SLC23A1: variants seen among roughly 807,000 people sequenced by gnomAD.
SLC23A1 encodes the protein Na(+)/L-ascorbic acid transporter 1.
Under a neutral mutation model 62.5 loss-of-function variants are expected in SLC23A1, and 31 were observed. That is an observed-to-expected ratio of 0.50 (90% CI 0.37 to 0.67). The LOEUF (loss-of-function observed/expected upper bound fraction) is 0.67. Among genes scored for constraint, SLC23A1 ranks in the 30% least tolerant of loss-of-function variants. SLC23A1 has a pLI of 0.00. For synonymous variants in SLC23A1, 271 were observed against 313.2 expected, an observed-to-expected ratio of 0.87 and a Z score of 1.42; for missense variants, 640 against 782.7, an observed-to-expected ratio of 0.82 and a Z score of 2.18.
At chr5:139,368,352 CTAAA>C (rs1433507159) in intron 14 of SLC23A1, among the ~76,000 whole-genome samples, 3 of 150,402 alleles carry the variant, frequency 2.0e-5, no homozygotes, top group African/African-American at 4.9e-5. Context: ...AAAAAAAAAA[CTAAA>C]TAAATAAATA....
In SLC23A1 at chr5:139,381,807, T is replaced by C. The variant is rs1758276428; in HGVS notation, c.308+85A>G. ...GAAAGCGGCTTTTTTGTCTCACCAG[T>C]GTCCTCTGGGAGCCCACCTGCTCCT... On this transcript the variant is annotated intron_variant, in intron 3 of 14. Coordinates refer to ENST00000348729, the MANE Select transcript of SLC23A1 (RefSeq NM_005847.5). 5 of 1,137,826 alleles carry C rather than the reference T, an allele frequency of 4.4e-6. No homozygotes were observed. The African/African-American group carries it at 4.6e-5, about 11-fold the overall frequency. 70.5% of individuals were successfully genotyped at this position (1,137,826 alleles called of 1,614,324 possible). A position where few individuals can be genotyped will look rare whatever the true frequency, so the allele number is the denominator to read the frequency against.
intron 13 of SLC23A1, among the ~76,000 whole-genome samples, chr5:139,376,964 A>G (rs1343477735): frequency 6.6e-6 from 1 of 152,104 alleles, no homozygotes; most frequent in Non-Finnish European, 1.5e-5. Context: ...TCTACCAAAA[A>G]TATGAAAATT....
chr5:139,379,664 G>T lies in SLC23A1; in HGVS notation c.925+14C>A. 6.2e-7 allele frequency: 1 copy of T among 1,602,622 alleles called. No individual in the cohort carries two copies. ...CTCAGTTGGGGGCAGAGGGGCCCAA[G>T]GGGTGTTGCTCACAGGGGTAGGGGA... is the stretch of plus-strand genomic sequence containing the variant. On this transcript the variant is annotated intron_variant, in intron 8 of 14. Coordinates refer to ENST00000348729, the MANE Select transcript of SLC23A1 (RefSeq NM_005847.5). This position sits in a 1 kb window ranked among gnomAD's most constrained non-coding sequence, Gnocchi z 4.7.
At chr5:139,371,936 A>G (rs565176174) in intron 14 of SLC23A1, 51 bp downstream of exon 14, 13 of 1,428,990 alleles carry the variant, frequency 9.1e-6, no homozygotes, top group Admixed American at 1.9e-5. Context: ...TTAAAGCATA[A>G]GAATGTTTTG....
At position 139,379,897 on chromosome 5, in the gene SLC23A1, C is replaced by G; in HGVS notation, c.768+59G>C. 6.2e-7 allele frequency: 1 copy of G among 1,613,790 alleles called. No homozygotes were observed. Among genetic ancestry groups the G allele is most frequent in the East Asian group, 2.2e-5 (1 of 44,878 alleles). On this transcript the variant is annotated intron_variant, in intron 7 of 14. Transcript: ENST00000348729. The surrounding 1 kb of genome is among the most constrained non-coding windows in gnomAD (Gnocchi z 4.7). ...AGGTCTCTGTCCAGGCTAACCTGCT[C>G]CCACCTCAGCCCAAGCCCTGGCCAT...
chr5:139,379,182 A>T lies in SLC23A1; in HGVS notation c.1073+25T>A, dbSNP rs1243025100. 1 of 1,613,078 alleles carries T rather than the reference A, an allele frequency of 6.2e-7. No individual in the cohort carries two copies. On this transcript the variant is annotated intron_variant, in intron 9 of 14. Transcript: ENST00000348729. This position sits in a 1 kb window ranked among gnomAD's most constrained non-coding sequence, Gnocchi z 4.7. The stretch of plus-strand genomic sequence containing the variant: ...CCTGGGTGGCGCCTGAGGAGATCAG[A>T]TACTGAGGAGGGCAGGTAGGCTACC...
At chr5:139,382,235 T>C (rs1420738036) in intron 2 of SLC23A1, 186 bp from the exon 3 acceptor site, 5 of 623,702 alleles carry the variant, frequency 8.0e-6, no homozygotes, top group Non-Finnish European at 1.4e-5. Flanking sequence ...TAATTTCCAC[T>C]CAAGATATTC....
upstream of SLC23A1, chr5:139,384,788 A>C (rs1013075133): frequency 1.0e-6 from 1 of 978,656 alleles, no homozygotes; most frequent in Admixed American, 6.1e-5. Flanking sequence ...CACCCCACAG[A>C]AACACAGGTC....
rs933955447 is a variant in SLC23A1, at chr5:139,379,056, G to C, written c.1073+151C>G. 3 of 778,562 alleles carry C rather than the reference G, an allele frequency of 3.9e-6. No individual in the cohort carries two copies. The highest frequency in any genetic ancestry group is 6.5e-6 in the Non-Finnish European group (3 of 462,884). 48.2% of individuals were successfully genotyped at this position (778,562 alleles called of 1,614,324 possible). On this transcript the variant is annotated intron_variant, in intron 9 of 14. Coordinates refer to ENST00000348729, the MANE Select transcript of SLC23A1 (RefSeq NM_005847.5). The surrounding 1 kb of genome is among the most constrained non-coding windows in gnomAD (Gnocchi z 4.7). ...CAGCAAAGACAGAGGGGTGATGAGAGGGCACCCCCATCGCACAAACAAGGA... is the reference window on the plus strand; with the variant it reads ...CAGCAAAGACAGAGGGGTGATGAGACGGCACCCCCATCGCACAAACAAGGA...
chr5:139,369,025 G>T, intron 14 of SLC23A1: 1 of 402,646 alleles, frequency 2.5e-6, no homozygotes. Context: ...TGTGAAGACA[G>T]CAAGGAAAGA....
chr5:139,377,348 G>A, intron 13 of SLC23A1, 54 bp downstream of exon 13: 3 of 939,262 alleles, frequency 3.2e-6, no homozygotes, highest in Non-Finnish European at 5.3e-6. Flanking sequence ...GCCATCTGTT[G>A]GAGTGCATGA....
chr5:139,380,285 G>T lies in SLC23A1; in HGVS notation c.570C>A (p.Pro190=). The T allele has an allele frequency of 6.3e-7, 1 of 1,593,706 alleles. No individual in the cohort carries two copies. The highest frequency in any genetic ancestry group is 8.5e-7 in the Non-Finnish European group (1 of 1,170,180). Residue 190 remains proline (P), a synonymous_variant, in exon 6 of 15, where the codon CCC becomes CCA. Coordinates refer to ENST00000348729, the MANE Select transcript of SLC23A1 (RefSeq NM_005847.5). ...CAGAAAGGCCAATGAGGGAGACAGT[G>T]GGGGTGACTGTGAGAGGCCCAATGT... ...LNYIGPLTVT[P]TVSLIGLSVF... is the part of the protein sequence containing the mutation.
chr5:139,381,416 G>A (rs1170759279), intron 3 of SLC23A1, among the ~76,000 whole-genome samples: 2 of 151,960 alleles, frequency 1.3e-5, no homozygotes, highest in Non-Finnish European at 2.9e-5. Context: ...CACTTTGGGA[G>A]GCCAAGGTGG....
chr5:139,382,367 G>A (rs1561982461), intron 2 of SLC23A1, 125 bp downstream of exon 2: 3 of 617,362 alleles, frequency 4.9e-6, no homozygotes, highest in South Asian at 3.9e-5. Context: ...CCTGCTTGCT[G>A]ACAGCCACTG....
rs1429971543 is a variant in SLC23A1 at position 139,382,487 on chromosome 5, C to A, written c.150+5G>T. ...GTGAGGGCGGGGAGGCCCTGGGGGA[C>A]CCACCTGGAAGCCCAGCAGGATGCA... On this transcript the variant is annotated splice_donor_5th_base_variant and intron_variant, in intron 2 of 14. Transcript: ENST00000348729. 6.3e-7 allele frequency: 1 copy of A among 1,581,470 alleles called. No individual in the cohort carries two copies. The highest frequency in any genetic ancestry group is 1.7e-4 in the Middle Eastern group (1 of 5,942).
At chr5:139,374,442 CAAAA>C (rs972811600) in intron 13 of SLC23A1, among the ~76,000 whole-genome samples, 5 of 152,092 alleles carry the variant, frequency 3.3e-5, no homozygotes, top group African/African-American at 1.2e-4. Context: ...GTCTCAAAAA[CAAAA>C]CAAACAAACA....
chr5:139,369,922 C>G (rs1037707505), intron 14 of SLC23A1, among the ~76,000 whole-genome samples: 6 of 152,202 alleles, frequency 3.9e-5, no homozygotes, highest in Non-Finnish European at 8.8e-5. Flanking sequence ...GCTTCTTAAT[C>G]ACCTCAGACT....
chr5:139,379,373 AG>A lies in SLC23A1; in HGVS notation c.926-20del, dbSNP rs747974339. On this transcript the variant is annotated intron_variant, in intron 8 of 14. Coordinates refer to ENST00000348729, the MANE Select transcript of SLC23A1 (RefSeq NM_005847.5). This position sits in a 1 kb window ranked among gnomAD's most constrained non-coding sequence, Gnocchi z 4.7. ...CACTGACCTGTGCTCGGAGGGAGACAGGATGGTGGCTACAGTGAGGAGACTG... is the reference window on the plus strand; with the variant it reads ...CACTGACCTGTGCTCGGAGGGAGACAGATGGTGGCTACAGTGAGGAGACTG... The A allele has an allele frequency of 1.2e-6, 2 of 1,613,376 alleles. No homozygotes were observed. Among genetic ancestry groups the A allele is most frequent in the Middle Eastern group, 1.7e-4 (1 of 6,060 alleles).
intron 13 of SLC23A1, among the ~76,000 whole-genome samples, 155 bp downstream of exon 13, chr5:139,377,247 G>A (rs1047960533): frequency 6.6e-6 from 1 of 152,164 alleles, no homozygotes; most frequent in Non-Finnish European, 1.5e-5. Context: ...TCTCCCTCCA[G>A]CCAGTGAGCA....
Sources: allele counts gnomAD v4.1 joint callset (sites outside exome capture counted in the v4.1 genomes callset), GRCh38; gene constraint gnomAD v4.1.1; non-coding constraint Gnocchi (gnomAD v3.1); transcripts MANE v1.5; gene names NCBI Gene and HGNC (gene_info 2026-07-23, HGNC 2026-07-21).